Variants in MED24 observed in about 807,000 individuals in gnomAD.
The protein encoded by MED24 is mediator of RNA polymerase II transcription subunit 24.
MED24 carries 74 observed loss-of-function variants against 118.8 expected under a neutral mutation model. That is an observed-to-expected ratio of 0.62 (90% CI 0.52 to 0.76). The LOEUF (loss-of-function observed/expected upper bound fraction) is 0.76, where lower values mean the gene tolerates loss of function less well. Among genes scored for constraint, MED24 ranks in the 30% least tolerant of loss-of-function variants. MED24 has a pLI of 0.00. For missense variants in MED24, 1,041 were observed against 1,278.9 expected (o/e 0.81, Z 2.84); for synonymous variants, 521 against 523.9 (o/e 0.99, Z 0.08).
intron 8 of MED24, 61 bp from the exon 9 acceptor site, chr17:40,032,823 G>T: frequency 2.0e-6 from 3 of 1,489,616 alleles, no homozygotes; most frequent in South Asian, 1.1e-5. Context: ...CCCTTCTGTG[G>T]ACTCTGAGGA....
intron 3 of MED24, among the ~76,000 whole-genome samples, chr17:40,050,647 T>G (rs1262446693): frequency 6.6e-6 from 1 of 151,938 alleles, no homozygotes; most frequent in African/African-American, 2.4e-5. Context: ...TACCACATAT[T>G]CTCACTGATA....
chr17:40,026,312 T>C lies in MED24; in HGVS notation c.1829A>G (p.Lys610Arg). 1 of 1,613,972 alleles carries C rather than the reference T, an allele frequency of 6.2e-7. No individual in the cohort carries two copies. Among genetic ancestry groups the C allele is most frequent in the Non-Finnish European group, 8.5e-7 (1 of 1,179,884 alleles). ...ESIQKITDNI[K>R]GKVCSLAVCA... ...CACCGCCAGACTGCATACCTTCCCT[T>C]TGATGTTATCAGTGATTTTCTAGGG... Residue 610 changes from lysine to arginine, a missense_variant, in exon 19 of 26, where the codon AAA (lysine) becomes AGA (arginine). This residue lies in a region of MED24 where 587 missense variants were observed against 694.4 expected (regional missense o/e 0.85). Coordinates refer to ENST00000394128, the MANE Select transcript of MED24 (RefSeq NM_014815.4).
intron 3 of MED24, among the ~76,000 whole-genome samples, chr17:40,041,298 T>C (rs1258180233): frequency 6.6e-6 from 1 of 152,142 alleles, no homozygotes; most frequent in East Asian, 1.9e-4. Flanking sequence ...CACTCTCACT[T>C]TTCTTCCCTA....
rs1022859970 is a variant in MED24 at position 40,031,938 on chromosome 17, C to A, written c.984+105G>T. ...TGCACGCTGAGGTGTACACTCACAT[C>A]CGGCTCTCTTCCAGGCATGAGAACA... is the stretch of plus-strand genomic sequence containing the variant. On this transcript the variant is annotated intron_variant, in intron 10 of 25. Transcript: ENST00000394128. 3 of 1,307,154 alleles carry A rather than the reference C, an allele frequency of 2.3e-6. No homozygotes were observed. In the African/African-American group the frequency reaches 4.5e-5, roughly 20 times the overall value. The allele number at this position is 1,307,154 out of a possible 1,614,324, so 81.0% of individuals were successfully genotyped here. A position where few individuals can be genotyped will look rare whatever the true frequency, so the allele number is the denominator to read the frequency against.
chr17:40,032,661 G>T lies in MED24; in HGVS notation c.924C>A (p.Phe308Leu). 1 of 1,613,660 alleles carries T rather than the reference G, an allele frequency of 6.2e-7. No individual in the cohort carries two copies. ...ACGTCCCCAGTACCTTGAGGAAAGT[G>T]AAAGCTGTCCACTTGAGCTCCTCCG... ...EGTEELKWTA[F>L]TFLKIPQVLV... is the part of the protein sequence containing the mutation. The change falls in exon 9 of 26, where the codon TTC (phenylalanine) becomes TTA (leucine). Residue 308 changes from phenylalanine to leucine, a missense_variant. This residue lies in a region of MED24 where 434 missense variants were observed against 514.9 expected (regional missense o/e 0.84). Transcript: ENST00000394128.
intron 20 of MED24, 115 bp downstream of exon 20, chr17:40,023,016 C>A: frequency 6.9e-7 from 1 of 1,440,694 alleles, no homozygotes; most frequent in Non-Finnish European, 9.4e-7. Context: ...CGAGGCATTC[C>A]GGGGAGGCCA....
Position 40,031,985 on chromosome 17 carries a change from G to A in MED24, c.984+58C>T, listed in dbSNP as rs1370828692. Reference sequence around the variant, plus strand: ...AACACTGCCCAGCTGGGGCCTGAAGGACCCTCCCCTTTGCCCTTATTTCTG... The same window carrying A: ...AACACTGCCCAGCTGGGGCCTGAAGAACCCTCCCCTTTGCCCTTATTTCTG... On this transcript the variant is annotated intron_variant, in intron 10 of 25. Transcript: ENST00000394128. 4.5e-6 allele frequency: 7 copies of A among 1,565,814 alleles called. No homozygotes were observed. The South Asian group carries it at 6.7e-5, about 15-fold the overall frequency.
intron 3 of MED24, among the ~76,000 whole-genome samples, chr17:40,044,077 G>A (rs1375806069): frequency 2.4e-5 from 3 of 125,834 alleles, no homozygotes; most frequent in Non-Finnish European, 3.2e-5. Flanking sequence ...GCAATAAGCC[G>A]AGATCACACA....
In MED24 at chr17:40,035,244, C is replaced by T. The variant is rs1439652764; in HGVS notation, c.432G>A (p.Glu144=). 6.2e-7 allele frequency: 1 copy of T among 1,613,782 alleles called. No homozygotes were observed. Among genetic ancestry groups the T allele is most frequent in the Non-Finnish European group, 8.5e-7 (1 of 1,179,996 alleles). The change falls in exon 6 of 26, where the codon GAG becomes GAA. Residue 144 remains glutamate, a synonymous_variant. Coordinates refer to ENST00000394128, the MANE Select transcript of MED24 (RefSeq NM_014815.4). ...CTAASAERLR[E]GLEAGTPAAG... is the part of the protein sequence containing the mutation. ...CGGCTGGAGTGCCGGCCTCCAGCCCCTCCCGCAGCCGCTCTGCAGAGGCTG... is the reference window on the plus strand; with the variant it reads ...CGGCTGGAGTGCCGGCCTCCAGCCCTTCCCGCAGCCGCTCTGCAGAGGCTG...
chr17:40,053,084 C>G (rs543058763), intron 3 of MED24, among the ~76,000 whole-genome samples: 1 of 152,078 alleles, frequency 6.6e-6, no homozygotes, highest in East Asian at 1.9e-4. Context: ...ACAGGGGCAC[C>G]ACCACGCAGG....
rs769925831 is a variant in MED24, at chr17:40,032,777, A to C, written c.823-15T>G. ...GTGGGGATATGCTGTGGGAAGAGCCAAGGATGAGGCCTAAGAGGGTGCCCA... is the reference window on the plus strand; with the variant it reads ...GTGGGGATATGCTGTGGGAAGAGCCCAGGATGAGGCCTAAGAGGGTGCCCA... On this transcript the variant is annotated splice_polypyrimidine_tract_variant and intron_variant, in intron 8 of 25. Coordinates refer to ENST00000394128, the MANE Select transcript of MED24 (RefSeq NM_014815.4). The C allele has an allele frequency of 6.2e-7, 1 of 1,606,030 alleles. No individual in the cohort carries two copies. The highest frequency in any genetic ancestry group is 8.5e-7 in the Non-Finnish European group (1 of 1,173,124).
Position 40,019,595 on chromosome 17 carries a change from C to T in MED24, c.2904G>A (p.Leu968=), listed in dbSNP as rs537874898. Residue 968 remains leucine (L), a synonymous_variant, in exon 26 of 26, where the codon CTG becomes CTA. Coordinates refer to ENST00000394128, the MANE Select transcript of MED24 (RefSeq NM_014815.4). ...GGGGCAGGCTGAGGTCCGTGATGGC[C>T]AGAACCACCTTGGGGCTGGACATGG... ...VSAMSSPKVV[L]AITDLSLPLG... 6.2e-7 allele frequency: 1 copy of T among 1,611,054 alleles called. No homozygotes were observed. Among genetic ancestry groups the T allele is most frequent in the Admixed American group, 1.7e-5 (1 of 59,630 alleles).
In MED24 at chr17:40,022,695, G is replaced by C. The variant is rs376829399; in HGVS notation, c.2382C>G (p.Asp794Glu). Residue 794 changes from aspartate to glutamate, a missense_variant, in exon 21 of 26, where the codon GAC (aspartate) becomes GAG (glutamate). Transcript: ENST00000394128. The part of the protein sequence containing the change: ...LGHILPGLLT[D>E]SSKWHSLMDP... ...CCATGAGGCTGTGCCACTTGGAGGA[G>C]TCAGTGAGCAGGCCAGGTAGGATGT... 3.0e-5 allele frequency: 48 copies of C among 1,613,812 alleles called. No homozygotes were observed. Among genetic ancestry groups the C allele is most frequent in the Non-Finnish European group, 4.0e-5 (47 of 1,179,998 alleles).
intron 10 of MED24, 122 bp from the exon 11 acceptor site, chr17:40,031,742 G>A: frequency 1.1e-6 from 1 of 933,476 alleles, no homozygotes; most frequent in Non-Finnish European, 1.7e-6. Context: ...CTGGAGCCTG[G>A]GTGTATGTTG....
intron 3 of MED24, among the ~76,000 whole-genome samples, chr17:40,053,080 G>A (rs531199363): frequency 3.7e-4 from 56 of 152,146 alleles, no homozygotes; most frequent in Admixed American, 2.0e-3. Flanking sequence ...GACTACAGGG[G>A]CACCACCACG....
At chr17:40,028,791 G>A in intron 14 of MED24, 35 bp downstream of exon 14, 2 of 1,610,926 alleles carry the variant, frequency 1.2e-6, no homozygotes, top group Non-Finnish European at 8.5e-7. Context: ...CAGCCTCCCT[G>A]CACGCCCTGG....
At chr17:40,020,146 G>T in intron 24 of MED24, 127 bp downstream of exon 24, 1 of 1,079,564 alleles carries the variant, frequency 9.3e-7, no homozygotes, top group Non-Finnish European at 1.3e-6. Context: ...CCAACAATGA[G>T]GGGCATGGAG....
At chr17:40,022,568 T>A (rs1982161612) in intron 21 of MED24, 77 bp downstream of exon 21, 1 of 1,600,056 alleles carries the variant, frequency 6.2e-7, no homozygotes, top group African/African-American at 1.3e-5. Context: ...CAAAGCCCAG[T>A]CTCCCAGGGT....
chr17:40,044,066 T>C (rs1258209310), intron 3 of MED24, among the ~76,000 whole-genome samples: 1 of 128,766 alleles, frequency 7.8e-6, no homozygotes, highest in Non-Finnish European at 1.6e-5. Flanking sequence ...AAGCTAAGGT[T>C]GCAATAAGCC....
Sources: gnomAD v4.1 joint callset for allele counts (sites outside exome capture counted in the v4.1 genomes callset) on GRCh38, gnomAD v4.1.1 for gene constraint, gnomAD v4.1.1 regional missense constraint, MANE v1.5 for transcripts, NCBI Gene and HGNC (gene_info 2026-07-23, HGNC 2026-07-21) for gene names.